The following VMP1 variants were observed in gnomAD, a reference collection of about 807,000 sequenced individuals.
VMP1 encodes the protein vacuole membrane protein 1, also known as ectopic P-granules autophagy protein 3 homolog.
A neutral mutation model predicts 56.0 loss-of-function variants in VMP1; 11 were observed. That is an observed-to-expected ratio of 0.20 (90% CI 0.12 to 0.32). VMP1 has a LOEUF of 0.32. Ranked by LOEUF, VMP1 falls within the 10% of genes least tolerant of loss-of-function variation. The pLI is 1.00. For synonymous variants in VMP1, 149 were observed against 165.0 expected, an observed-to-expected ratio of 0.90 and a Z score of 0.74; for missense variants, 296 against 490.3, an observed-to-expected ratio of 0.60 and a Z score of 3.74.
chr17:59,804,566 G>A (rs1435283041), intron 7 of VMP1, among the ~76,000 whole-genome samples: 11 of 128,022 alleles, frequency 8.6e-5, no homozygotes, highest in African/African-American at 3.3e-4. Context: ...AGTGAGCCAA[G>A]ATCGCACCAC....
chr17:59,784,680 A>T (rs2036946550), intron 7 of VMP1: 1 of 152,248 alleles, frequency 6.6e-6, no homozygotes, highest in South Asian at 2.1e-4. Flanking sequence ...AAAGTGTAGC[A>T]TTACATGAAA....
At chr17:59,808,967 A>G (rs2037944178) in intron 8 of VMP1, 91 bp downstream of exon 8, 4 of 1,024,636 alleles carry the variant, frequency 3.9e-6, no homozygotes, top group Non-Finnish European at 5.7e-6. Context: ...AAGTGCTATC[A>G]CTTTTATTGG....
chr17:59,808,125 G>T (rs1012905883), intron 7 of VMP1, among the ~76,000 whole-genome samples: 5 of 152,190 alleles, frequency 3.3e-5, no homozygotes, highest in African/African-American at 9.7e-5. Flanking sequence ...AAAAAGCACT[G>T]ATTTCACAGT....
At chr17:59,724,859 G>A (rs1335009373) in intron 1 of VMP1, among the ~76,000 whole-genome samples, 2 of 152,134 alleles carry the variant, frequency 1.3e-5, no homozygotes, top group Admixed American at 6.5e-5. Flanking sequence ...CCAGCTACTC[G>A]GGAGGCTGAG....
intron 10 of VMP1, 50 bp from the exon 11 acceptor site, chr17:59,838,245 T>C (rs113718494): frequency 1.3e-6 from 2 of 1,534,980 alleles, no homozygotes; most frequent in African/African-American, 1.4e-5. Context: ...TTTTCCTGCT[T>C]TTCTTCCCAA....
chr17:59,729,401 T>G (rs531949133), intron 1 of VMP1, among the ~76,000 whole-genome samples: 6 of 149,052 alleles, frequency 4.0e-5, no homozygotes, highest in African/African-American at 1.5e-4. Flanking sequence ...GAGAACCACT[T>G]GAACTCGGGA....
At chr17:59,832,198 TTTTTTTTTG>T (rs2038830781) in intron 10 of VMP1, among the ~76,000 whole-genome samples, 1 of 146,620 alleles carries the variant, frequency 6.8e-6, no homozygotes, top group Admixed American at 6.8e-5. Flanking sequence ...TTTTTTTTTT[TTTTTTTTTG>T]TCACCTAGAC....
intron 1 of VMP1, among the ~76,000 whole-genome samples, chr17:59,728,558 C>T (rs1208594534): frequency 6.6e-6 from 1 of 152,026 alleles, no homozygotes; most frequent in African/African-American, 2.4e-5. Context: ...AATATAGAGA[C>T]GCGTGGGTAG....
At chr17:59,773,181 C>T (rs140497830) in intron 6 of VMP1, among the ~76,000 whole-genome samples, 1,644 of 151,654 alleles carry the variant, frequency 0.011, 21 homozygotes, top group Middle Eastern at 0.031. Context: ...AGGATGGTCT[C>T]GATCTCTTGA....
At chr17:59,833,641 A>G (rs2038886714) in intron 10 of VMP1, among the ~76,000 whole-genome samples, 1 of 152,270 alleles carries the variant, frequency 6.6e-6, no homozygotes, top group Non-Finnish European at 1.5e-5. Context: ...AAGATAAGTT[A>G]TACATCATGT....
intron 1 of VMP1, among the ~76,000 whole-genome samples, chr17:59,728,050 A>G (rs752457368): frequency 6.6e-6 from 1 of 152,236 alleles, no homozygotes; most frequent in Non-Finnish European, 1.5e-5. Context: ...TTATTTGCTT[A>G]TTCAGCATTG....
In VMP1 at chr17:59,841,906, A is replaced by AG; in HGVS notation, c.*1997dup. The AG allele has an allele frequency of 6.6e-6, 1 of 152,338 alleles. No homozygotes were observed. The allele number at this position is 152,338 out of a possible 1,614,324, so 9.4% of individuals were successfully genotyped here. A position where few individuals can be genotyped will look rare whatever the true frequency, so the allele number is the denominator to read the frequency against. On this transcript the variant is annotated 3_prime_UTR_variant, in exon 12 of 12. Transcript: ENST00000262291. ...AAAAAAATTTTGTTTCCTAGGTTGA[A>AG]GGTCTAATTGATACGTTTGACTTAT...
Position 59,800,417 on chromosome 17 carries a change from C to T in VMP1, c.715-8379C>T, listed in dbSNP as rs562803649. Among the ~76,000 whole-genome samples the T allele has an allele frequency of 2.7e-4, 41 of 152,194 alleles. 1 individual carries two copies. The highest frequency in any genetic ancestry group is 8.4e-4 in the African/African-American group (35 of 41,512). ...GCTTGGCGTGCATATTTGACTAGCA[C>T]GCAGAAACCAGCAAGTAATTTTTAG... On this transcript the variant is annotated intron_variant, in intron 7 of 11. Coordinates refer to ENST00000262291, the MANE Select transcript of VMP1 (RefSeq NM_030938.5).
chr17:59,807,789 G>A (rs971582690), intron 7 of VMP1, among the ~76,000 whole-genome samples: 2 of 141,366 alleles, frequency 1.4e-5, no homozygotes, highest in South Asian at 2.3e-4. Context: ...CCAAGATCGC[G>A]CCATTGCACT....
At chr17:59,790,712 A>T (rs993755705) in intron 7 of VMP1, among the ~76,000 whole-genome samples, 1 of 152,004 alleles carries the variant, frequency 6.6e-6, no homozygotes, top group Admixed American at 6.6e-5. Context: ...AATCACTTGA[A>T]CCCAGGGGGC....
At position 59,768,083 on chromosome 17, in the gene VMP1, C is replaced by T. The variant is rs550074672; in HGVS notation, c.582+2945C>T. On this transcript the variant is annotated intron_variant, in intron 6 of 11. Transcript: ENST00000262291. ...CAAGATTGCACCTCTGCACTTCAGCCTGTGCAACACAGCGAGACTCCATCT... is the reference window on the plus strand; with the variant it reads ...CAAGATTGCACCTCTGCACTTCAGCTTGTGCAACACAGCGAGACTCCATCT... 2.6e-4 allele frequency among the ~76,000 whole-genome samples: 40 copies of T among 151,622 alleles called. 1 individual carries two copies. The highest frequency in any genetic ancestry group is 1.5e-3 in the South Asian group (7 of 4,776).
rs113097045 is a variant in VMP1, at chr17:59,788,965, T to G, written c.714+15080T>G. Among the ~76,000 whole-genome samples the G allele has an allele frequency of 6.5e-3, 989 of 151,550 alleles. 14 individuals are homozygous for G. The highest frequency in any genetic ancestry group is 0.023 in the African/African-American group (950 of 41,332). On this transcript the variant is annotated intron_variant, in intron 7 of 11. Coordinates refer to ENST00000262291, the MANE Select transcript of VMP1 (RefSeq NM_030938.5). ...TCTTTTTTTTTTTTTCAGGTTTGTG[T>G]TTCAAACACCTTTTATAAAATGCCT...
chr17:59,744,316 G>T (rs1213625458), intron 5 of VMP1, among the ~76,000 whole-genome samples: 2 of 151,484 alleles, frequency 1.3e-5, no homozygotes, highest in Admixed American at 6.6e-5. Context: ...CAAGAAATTA[G>T]CCAGGCGTGT....
At chr17:59,826,090 A>T (rs2038637102) in intron 10 of VMP1, among the ~76,000 whole-genome samples, 1 of 152,230 alleles carries the variant, frequency 6.6e-6, no homozygotes, top group Non-Finnish European at 1.5e-5. Context: ...TTAAGGCTTA[A>T]CACAGGGTTT....
Sources: allele counts gnomAD v4.1 joint callset (sites outside exome capture counted in the v4.1 genomes callset), GRCh38; gene constraint gnomAD v4.1.1; transcripts MANE v1.5; gene names NCBI Gene and HGNC (gene_info 2026-07-23, HGNC 2026-07-21).